TMEM131L: variants seen among roughly 807,000 people sequenced by gnomAD.
The protein encoded by TMEM131L is transmembrane 131 like, also known as transmembrane protein 131-like.
Under a neutral mutation model 192.2 loss-of-function variants are expected in TMEM131L, and 54 were observed. The ratio of observed to expected loss-of-function variants is 0.28; its 90% CI spans 0.23 to 0.35. TMEM131L has a LOEUF of 0.35. Among genes scored for constraint, TMEM131L ranks in the 10% least tolerant of loss-of-function variants. The pLI, the probability that TMEM131L is intolerant of heterozygous loss-of-function variation, is 1.00. For synonymous variants in TMEM131L, 701 were observed against 704.9 expected (o/e 0.99, Z 0.09); for missense variants, 1,888 against 1,972.9 (o/e 0.96, Z 0.82).
chr4:153,471,669 C>T (rs1731170871), intron 2 of TMEM131L, among the ~76,000 whole-genome samples: 1 of 152,188 alleles, frequency 6.6e-6, no homozygotes, highest in Non-Finnish European at 1.5e-5. Context: ...CCTTGGTTAG[C>T]AGGTTTGGGA....
At chr4:153,549,868 G>A (rs2150401797) in intron 3 of TMEM131L, among the ~76,000 whole-genome samples, 1 of 152,198 alleles carries the variant, frequency 6.6e-6, no homozygotes, top group African/African-American at 2.4e-5. Flanking sequence ...TTGATATGAA[G>A]TTCTACTAAC....
chr4:153,467,348 T>G, intron 2 of TMEM131L, 67 bp downstream of exon 2: 2 of 1,341,408 alleles, frequency 1.5e-6, no homozygotes, highest in Non-Finnish European at 2.1e-6. Context: ...AGGCCCCCGG[T>G]CCTCCCCACC....
In TMEM131L at chr4:153,566,709, A is replaced by G. The variant is rs138023453; in HGVS notation, c.660+8341A>G. On this transcript the variant is annotated intron_variant, in intron 7 of 34. Transcript: ENST00000409959. ...CTTAAGACCACAGTCATACTTGGCA[A>G]TGATCATCACAATTAATAGTTGGTT... Among the ~76,000 whole-genome samples, 245 of 152,342 alleles carry G rather than the reference A, an allele frequency of 1.6e-3. 1 individual carries two copies. The highest frequency in any genetic ancestry group is 5.0e-3 in the African/African-American group (209 of 41,574).
intron 17 of TMEM131L, 140 bp downstream of exon 17, chr4:153,591,334 A>G (rs921012887): frequency 1.5e-6 from 1 of 656,008 alleles, no homozygotes; most frequent in Admixed American, 3.6e-5. Flanking sequence ...ATGAGCAGTA[A>G]AACTCTAAAC....
At chr4:153,470,376 G>A (rs1731067566) in intron 2 of TMEM131L, among the ~76,000 whole-genome samples, 2 of 152,128 alleles carry the variant, frequency 1.3e-5, no homozygotes, top group Non-Finnish European at 2.9e-5. Flanking sequence ...TGTTTTGAAA[G>A]GTCTGAATAG....
intron 7 of TMEM131L, among the ~76,000 whole-genome samples, chr4:153,573,262 C>T (rs73856920): frequency 0.014 from 2,188 of 152,308 alleles, 53 homozygotes; most frequent in African/African-American, 0.049. Context: ...GCCTAATTCT[C>T]GCCACAGCGA....
chr4:153,521,820 A>G (rs1735134561), intron 3 of TMEM131L, among the ~76,000 whole-genome samples: 1 of 148,010 alleles, frequency 6.8e-6, no homozygotes, highest in South Asian at 2.1e-4. Context: ...ATTTAGCGTA[A>G]TGTCTTCAAG....
chr4:153,566,146 T>TA (rs950653568), intron 7 of TMEM131L, among the ~76,000 whole-genome samples: 1 of 152,106 alleles, frequency 6.6e-6, no homozygotes, highest in African/African-American at 2.4e-5. Context: ...ACTTTTTTTT[T>TA]TTTTTTGAGA....
intron 3 of TMEM131L, among the ~76,000 whole-genome samples, chr4:153,475,682 G>GA (rs58082902): frequency 2.7e-5 from 4 of 150,498 alleles, no homozygotes; most frequent in African/African-American, 9.7e-5. Context: ...CGAAAATACA[G>GA]AAAAAAAAAG....
chr4:153,602,668 CGTGGTT>C lies in TMEM131L; in HGVS notation c.2581_2586del (p.Val861_Val862del). ...ATCACCTGTTGCCCTTGTGTGCAGA[CGTGGTT>C]CCAGGACCCAGCTGGGAGGAGTCAT... On this transcript the variant is annotated inframe_deletion, in exon 23 of 35. Transcript: ENST00000409959. 1 of 1,614,112 alleles carries C rather than the reference CGTGGTT, an allele frequency of 6.2e-7. No individual in the cohort carries two copies. Among genetic ancestry groups the C allele is most frequent in the Non-Finnish European group, 8.5e-7 (1 of 1,179,984 alleles).
At chr4:153,492,044 G>T (rs186181145) in intron 3 of TMEM131L, among the ~76,000 whole-genome samples, 1 of 151,880 alleles carries the variant, frequency 6.6e-6, no homozygotes, top group Non-Finnish European at 1.5e-5. Flanking sequence ...TCCATCACCC[G>T]AGCTGGAGTG....
At chr4:153,533,553 A>T (rs79470601) in intron 3 of TMEM131L, among the ~76,000 whole-genome samples, 343 of 152,304 alleles carry the variant, frequency 2.3e-3, no homozygotes, top group East Asian at 0.016. Flanking sequence ...TGCTGCAATA[A>T]CCAATGTTGC....
At chr4:153,628,835 C>T (rs924397985) in intron 31 of TMEM131L, among the ~76,000 whole-genome samples, 4 of 152,138 alleles carry the variant, frequency 2.6e-5, no homozygotes, top group African/African-American at 9.7e-5. Context: ...GATATACGTG[C>T]GGTTTGGTGT....
intron 31 of TMEM131L, among the ~76,000 whole-genome samples, chr4:153,630,563 G>A (rs2126879330): frequency 6.6e-6 from 1 of 152,326 alleles, no homozygotes; most frequent in South Asian, 2.1e-4. Context: ...AACAACCACG[G>A]CCAGTGAGTT....
At chr4:153,587,862 GA>G (rs1730803257) in intron 15 of TMEM131L, 51 bp downstream of exon 15, 4 of 1,237,534 alleles carry the variant, frequency 3.2e-6, no homozygotes, top group African/African-American at 1.5e-5. Context: ...TGGGGGATGG[GA>G]AATAGTGAGG....
At chr4:153,580,039 G>A (rs1235776419) in intron 7 of TMEM131L, among the ~76,000 whole-genome samples, 1 of 152,074 alleles carries the variant, frequency 6.6e-6, no homozygotes, top group East Asian at 1.9e-4. Flanking sequence ...TAATCACTAT[G>A]CCAGAGACAT....
rs764126181 is a variant in TMEM131L at position 153,558,358 on chromosome 4, C to T, written c.650C>T (p.Ser217Phe). The part of the protein sequence containing the change: ...LLPKVQSIQL[S>F]QMQAETTNTS... ...CCAAAGGTCCAGAGCATTCAGCTGT[C>T]TCAAATGCAGGTCATTTTAATAGAT... Residue 217 changes from serine (S) to phenylalanine (F), a missense_variant, in exon 7 of 35, where the codon TCT becomes TTT. By Grantham distance (155) the Ser-to-Phe change is radical. Transcript: ENST00000409959. The T allele has an allele frequency of 1.9e-6, 3 of 1,594,968 alleles. No homozygotes were observed. The highest frequency in any genetic ancestry group is 2.6e-6 in the Non-Finnish European group (3 of 1,165,048).
chr4:153,524,125 A>G (rs981586720), intron 3 of TMEM131L, among the ~76,000 whole-genome samples: 1 of 140,420 alleles, frequency 7.1e-6, no homozygotes, highest in Non-Finnish European at 1.5e-5. Flanking sequence ...CCCATGTTTC[A>G]CTTCTGTTTT....
chr4:153,502,146 G>A (rs946736524), intron 3 of TMEM131L, among the ~76,000 whole-genome samples: 16 of 151,832 alleles, frequency 1.1e-4, no homozygotes, highest in African/African-American at 3.9e-4. Flanking sequence ...TTTTCACCGT[G>A]CTTCCCGGGC....
Sources: allele counts gnomAD v4.1 joint callset (sites outside exome capture counted in the v4.1 genomes callset), GRCh38; gene constraint gnomAD v4.1.1; transcripts MANE v1.5; gene names NCBI Gene and HGNC (gene_info 2026-07-23, HGNC 2026-07-21).